The following ARSJ variants were observed in gnomAD, a reference collection of about 807,000 sequenced individuals.
ARSJ encodes arylsulfatase family member J.
In ARSJ, 26 loss-of-function variants were observed where a neutral mutation model predicts 35.9. The ratio of observed to expected loss-of-function variants is 0.72; its 90% CI spans 0.53 to 1.00. ARSJ has a LOEUF of 1.00. Among genes scored for constraint, ARSJ ranks in the 50% least tolerant of loss-of-function variants. The pLI is 0.00. For synonymous variants in ARSJ, 294 were observed against 267.6 expected, an observed-to-expected ratio of 1.10 and a Z score of -0.96; for missense variants, 667 against 723.6, an observed-to-expected ratio of 0.92 and a Z score of 0.90.
chr4:113,943,271 T>G (rs1476835485), intron 1 of ARSJ: 1 of 152,066 alleles, frequency 6.6e-6, no homozygotes, highest in African/African-American at 2.4e-5. Context: ...TCCTACATTA[T>G]CTGCCACAGC....
intron 1 of ARSJ, among the ~76,000 whole-genome samples, chr4:113,911,661 G>T (rs1010615688): frequency 2.0e-5 from 3 of 152,114 alleles, no homozygotes; most frequent in Non-Finnish European, 4.4e-5. Flanking sequence ...GGAAATCTTT[G>T]CATTGAGTTA....
intron 1 of ARSJ, among the ~76,000 whole-genome samples, chr4:113,912,011 A>G (rs143703411): frequency 0.014 from 2,162 of 152,312 alleles, 56 homozygotes; most frequent in African/African-American, 0.047. Context: ...TTTCACCTGC[A>G]TTAAAGTTAA....
At chr4:113,955,940 C>T (rs1203361195) in intron 1 of ARSJ, among the ~76,000 whole-genome samples, 1 of 151,966 alleles carries the variant, frequency 6.6e-6, no homozygotes, top group African/African-American at 2.4e-5. Context: ...TTTATGAGGT[C>T]ATATTTCTGA....
chr4:113,916,459 T>C (rs564186942), intron 1 of ARSJ, among the ~76,000 whole-genome samples: 10 of 152,002 alleles, frequency 6.6e-5, no homozygotes, highest in African/African-American at 2.4e-4. Flanking sequence ...TAAAATATTT[T>C]AAACAAATTG....
At chr4:113,953,485 T>C (rs1212407063) in intron 1 of ARSJ, among the ~76,000 whole-genome samples, 2 of 152,080 alleles carry the variant, frequency 1.3e-5, no homozygotes, top group Admixed American at 1.3e-4. Context: ...TATGGCTTTT[T>C]AAAAGTTATA....
At chr4:113,930,728 A>G (rs1724387041) in intron 1 of ARSJ, among the ~76,000 whole-genome samples, 1 of 151,318 alleles carries the variant, frequency 6.6e-6, no homozygotes, top group Non-Finnish European at 1.5e-5. Context: ...ATGCACACGT[A>G]TGTTTATTGT....
intron 1 of ARSJ, among the ~76,000 whole-genome samples, chr4:113,950,418 C>T (rs936288821): frequency 2.6e-5 from 4 of 151,954 alleles, no homozygotes; most frequent in Non-Finnish European, 5.9e-5. Flanking sequence ...CCAGATGAGC[C>T]CTGGAGCTGG....
intron 1 of ARSJ, chr4:113,906,889 C>T (rs575081013): frequency 4.7e-5 from 14 of 300,036 alleles, no homozygotes; most frequent in South Asian, 2.0e-4. Flanking sequence ...ATTTGCATAA[C>T]GCTTTTTAAT....
chr4:113,911,041 A>C (rs2099670291), intron 1 of ARSJ, among the ~76,000 whole-genome samples: 1 of 152,268 alleles, frequency 6.6e-6, no homozygotes, highest in South Asian at 2.1e-4. Context: ...AACGACTTGG[A>C]CAAAAGAGCA....
intron 1 of ARSJ, among the ~76,000 whole-genome samples, chr4:113,936,526 A>C (rs193300693): frequency 2.0e-5 from 3 of 151,926 alleles, no homozygotes; most frequent in African/African-American, 7.2e-5. Flanking sequence ...AAAGAAGACA[A>C]ATTTTTAACA....
chr4:113,939,880 A>G (rs2149268941), intron 1 of ARSJ, among the ~76,000 whole-genome samples: 1 of 151,970 alleles, frequency 6.6e-6, no homozygotes, highest in East Asian at 1.9e-4. Context: ...TTGCCTGTTC[A>G]CTCTGATGGT....
intron 1 of ARSJ, among the ~76,000 whole-genome samples, chr4:113,922,482 C>T (rs904482314): frequency 6.6e-6 from 1 of 152,028 alleles, no homozygotes; most frequent in Non-Finnish European, 1.5e-5. Context: ...TATATTTCCC[C>T]CAAATATATT....
intron 1 of ARSJ, among the ~76,000 whole-genome samples, chr4:113,934,289 C>CCCA (rs1473383367): frequency 6.6e-6 from 1 of 151,718 alleles, no homozygotes; most frequent in Non-Finnish European, 1.5e-5. Context: ...CATCTGCACT[C>CCCA]CCATGTTTAC....
At chr4:113,906,610 G>A in intron 1 of ARSJ, 1 of 337,448 alleles carries the variant, frequency 3.0e-6, no homozygotes. Context: ...ATAGGAGGAA[G>A]TTTCAGGTAA....
intron 1 of ARSJ, among the ~76,000 whole-genome samples, chr4:113,909,515 G>C (rs1481577069): frequency 2.0e-5 from 3 of 152,060 alleles, no homozygotes; most frequent in Non-Finnish European, 2.9e-5. Context: ...ATTGAATCAT[G>C]GGGGCAGTTT....
chr4:113,933,680 A>G (rs1023829024), intron 1 of ARSJ, among the ~76,000 whole-genome samples: 1 of 151,870 alleles, frequency 6.6e-6, no homozygotes, highest in Non-Finnish European at 1.5e-5. Context: ...ATAAAATTCA[A>G]CATATGACAA....
chr4:113,902,265 T>C lies in ARSJ; in HGVS notation c.*9A>G, dbSNP rs1368236234. On this transcript the variant is annotated 3_prime_UTR_variant, in exon 2 of 2. Transcript: ENST00000315366. ...GATTAAAGTTTAACCAAACAGGAAA[T>C]ATTTGTGCTTATCCACAAGTAACAC... The C allele has an allele frequency of 1.2e-6, 2 of 1,607,388 alleles. No individual in the cohort carries two copies. Among genetic ancestry groups the C allele is most frequent in the Non-Finnish European group, 1.7e-6 (2 of 1,179,998 alleles).
intron 1 of ARSJ, among the ~76,000 whole-genome samples, chr4:113,938,811 C>T (rs895090791): frequency 2.6e-5 from 4 of 151,854 alleles, no homozygotes; most frequent in South Asian, 4.2e-4. Flanking sequence ...AAGAACCATA[C>T]GAGAAAAGCT....
At chr4:113,917,191 T>A (rs575582992) in intron 1 of ARSJ, among the ~76,000 whole-genome samples, 3 of 152,148 alleles carry the variant, frequency 2.0e-5, no homozygotes, top group Non-Finnish European at 4.4e-5. Context: ...CAGTCAAAGT[T>A]GTTTCTTACA....
Sources: allele counts gnomAD v4.1 joint callset (sites outside exome capture counted in the v4.1 genomes callset), GRCh38; gene constraint gnomAD v4.1.1; transcripts MANE v1.5; gene names NCBI Gene and HGNC (gene_info 2026-07-23, HGNC 2026-07-21).